Variants in SUGCT observed in about 807,000 individuals in gnomAD.
The protein encoded by SUGCT is succinyl-CoA:glutarate CoA-transferase.
A neutral mutation model predicts 55.0 loss-of-function variants in SUGCT; 41 were observed. The ratio of observed to expected loss-of-function variants is 0.74; its 90% CI spans 0.58 to 0.97. The LOEUF is 0.97. SUGCT is among the 50% of genes least tolerant of loss of function. SUGCT has a pLI of 0.00. For missense variants in SUGCT, 568 were observed against 547.8 expected (o/e 1.04, Z -0.37); for synonymous variants, 187 against 200.4 (o/e 0.93, Z 0.56).
intron 9 of SUGCT, among the ~76,000 whole-genome samples, chr7:40,411,533 G>A (rs1172514413): frequency 6.6e-6 from 1 of 152,152 alleles, no homozygotes; most frequent in East Asian, 1.9e-4. Context: ...GACAAGTAGT[G>A]GATGTCCTCA....
chr7:40,198,719 G>A (rs996389314), intron 6 of SUGCT, among the ~76,000 whole-genome samples: 9 of 146,594 alleles, frequency 6.1e-5, no homozygotes, highest in Middle Eastern at 3.4e-3. Flanking sequence ...AAAATTAGCT[G>A]GGTATGGTGG....
chr7:40,931,294 C>T, the SUGCT span, among the ~76,000 whole-genome samples: 4 of 152,278 alleles, frequency 2.6e-5, no homozygotes, highest in African/African-American at 7.2e-5. Flanking sequence ...GGTGGATAAG[C>T]TTTTTGATGT....
intron 12 of SUGCT, among the ~76,000 whole-genome samples, chr7:40,572,815 G>A (rs1177861632): frequency 6.6e-6 from 1 of 152,094 alleles, no homozygotes; most frequent in Non-Finnish European, 1.5e-5. Flanking sequence ...AAAAACTTGG[G>A]CCTATCTCCT....
intron 12 of SUGCT, among the ~76,000 whole-genome samples, chr7:40,670,763 A>T (rs538363718): frequency 5.6e-4 from 85 of 152,298 alleles, no homozygotes; most frequent in African/African-American, 2.0e-3. Flanking sequence ...ATTATTAATA[A>T]AATTGAGGTC....
chr7:40,359,217 T>C (rs1317109774), intron 9 of SUGCT, among the ~76,000 whole-genome samples: 1 of 152,176 alleles, frequency 6.6e-6, no homozygotes, highest in Non-Finnish European at 1.5e-5. Flanking sequence ...TGTATGTATA[T>C]TTTTGAGACA....
At chr7:40,402,447 C>T (rs1047711918) in intron 9 of SUGCT, among the ~76,000 whole-genome samples, 2 of 152,194 alleles carry the variant, frequency 1.3e-5, no homozygotes, top group East Asian at 1.9e-4. Context: ...AGTCAACTTA[C>T]GTTATAAGAG....
the SUGCT span, among the ~76,000 whole-genome samples, chr7:41,004,531 T>A: frequency 6.6e-6 from 1 of 152,220 alleles, no homozygotes; most frequent in Non-Finnish European, 1.5e-5. Flanking sequence ...GAGGCCAGCA[T>A]CATATGCAGA....
At chr7:40,870,825 ATTTGT>A in the SUGCT span, among the ~76,000 whole-genome samples, 4 of 152,028 alleles carry the variant, frequency 2.6e-5, no homozygotes, top group African/African-American at 9.7e-5. Flanking sequence ...ACTAGTTGAT[ATTTGT>A]TTTATTTTGT....
intron 12 of SUGCT, among the ~76,000 whole-genome samples, chr7:40,585,674 C>G (rs1396692842): frequency 6.6e-6 from 1 of 152,078 alleles, no homozygotes; most frequent in African/African-American, 2.4e-5. Context: ...ACACATGCCT[C>G]TAAACTTTTT....
At chr7:40,436,196 G>A (rs1037174446) in intron 9 of SUGCT, among the ~76,000 whole-genome samples, 1 of 151,954 alleles carries the variant, frequency 6.6e-6, no homozygotes, top group Non-Finnish European at 1.5e-5. Flanking sequence ...TCCCACCTCT[G>A]CCTCCCAAAG....
intron 12 of SUGCT, among the ~76,000 whole-genome samples, chr7:40,740,781 A>G (rs1306073073): frequency 2.0e-5 from 3 of 152,076 alleles, no homozygotes; most frequent in Admixed American, 6.5e-5. Flanking sequence ...TATCTTTAAC[A>G]CTTAAGAATA....
intron 9 of SUGCT, among the ~76,000 whole-genome samples, chr7:40,396,661 A>G (rs186033243): frequency 2.0e-4 from 31 of 152,292 alleles, no homozygotes; most frequent in African/African-American, 7.2e-4. Flanking sequence ...CATGCATACA[A>G]ATGTGTTTAA....
At chr7:40,659,412 A>G (rs1035775215) in intron 12 of SUGCT, among the ~76,000 whole-genome samples, 1 of 152,176 alleles carries the variant, frequency 6.6e-6, no homozygotes, top group Admixed American at 6.5e-5. Context: ...CGTGCCTATT[A>G]GTAGAGCTGC....
intron 9 of SUGCT, chr7:40,387,775 G>A (rs976019993): frequency 6.6e-6 from 1 of 152,188 alleles, no homozygotes; most frequent in Admixed American, 6.5e-5. Context: ...CCCTCAGTGA[G>A]TGCTATGTAA....
At chr7:40,234,804 G>A (rs992407554) in intron 6 of SUGCT, among the ~76,000 whole-genome samples, 1 of 152,080 alleles carries the variant, frequency 6.6e-6, no homozygotes, top group African/African-American at 2.4e-5. Context: ...AGCTACTGGG[G>A]AGGCTGAGGG....
the SUGCT span, among the ~76,000 whole-genome samples, chr7:40,986,291 T>C: frequency 6.6e-6 from 1 of 152,244 alleles, no homozygotes; most frequent in Non-Finnish European, 1.5e-5. Context: ...AATATGTGAA[T>C]GTGGACTTCT....
At chr7:40,631,809 A>G (rs1229282449) in intron 12 of SUGCT, among the ~76,000 whole-genome samples, 2 of 152,218 alleles carry the variant, frequency 1.3e-5, no homozygotes, top group African/African-American at 4.8e-5. Context: ...GAAGGCTAGA[A>G]GACCACTGAG....
intron 10 of SUGCT, among the ~76,000 whole-genome samples, chr7:40,454,690 G>A (rs1214577161): frequency 6.6e-6 from 1 of 152,100 alleles, no homozygotes; most frequent in Non-Finnish European, 1.5e-5. Flanking sequence ...ATTAATGCTA[G>A]GGAAGAAGTG....
chr7:40,672,758 C>A (rs1481159782), intron 12 of SUGCT, among the ~76,000 whole-genome samples: 1 of 152,170 alleles, frequency 6.6e-6, no homozygotes, highest in African/African-American at 2.4e-5. Context: ...TGTATTATTT[C>A]TTACAACTGC....
Sources: allele counts gnomAD v4.1 joint callset (sites outside exome capture counted in the v4.1 genomes callset), GRCh38; gene constraint gnomAD v4.1.1; transcripts MANE v1.5; gene names NCBI Gene and HGNC (gene_info 2026-07-23, HGNC 2026-07-21).